Variants in THSD7B observed in about 807,000 individuals in gnomAD.
The protein encoded by THSD7B is thrombospondin type-1 domain-containing protein 7B.
In THSD7B, 138 loss-of-function variants were observed where a neutral mutation model predicts 213.6. The ratio of observed to expected loss-of-function variants is 0.65; its 90% CI spans 0.56 to 0.74. The LOEUF is 0.74. Among genes scored for constraint, THSD7B ranks in the 30% least tolerant of loss-of-function variants. The pLI is 0.00. For missense variants in THSD7B, 1,931 were observed against 1,991.5 expected (o/e 0.97, Z 0.58); for synonymous variants, 742 against 687.0 (o/e 1.08, Z -1.25).
Position 137,160,290 on chromosome 2 carries a change from A to G in THSD7B, c.1447A>G (p.Thr483Ala), listed in dbSNP as rs1285937238. ...TCAGCTCTGCAATATCCCTTGCTCT[A>G]CGGACTGCATAGTATCTTCCTGGTC... ...PSQLCNIPCSTDCIVSSWSAW... is the reference protein window; with the variant it reads ...PSQLCNIPCSADCIVSSWSAW... Residue 483 changes from threonine to alanine, a missense_variant, in exon 6 of 28, where the codon ACG becomes GCG. Thr to Ala is a moderately conservative substitution (Grantham distance 58). Coordinates refer to ENST00000409968, the MANE Select transcript of THSD7B (RefSeq NM_001316349.2). 1 of 1,613,734 alleles carries G rather than the reference A, an allele frequency of 6.2e-7. No individual in the cohort carries two copies. Among genetic ancestry groups the G allele is most frequent in the Non-Finnish European group, 8.5e-7 (1 of 1,179,746 alleles).
chr2:137,219,455 A>AT (rs76840628), intron 7 of THSD7B, among the ~76,000 whole-genome samples: 27,566 of 152,134 alleles, frequency 0.18, 3,164 homozygotes, highest in South Asian at 0.4. Flanking sequence ...AATAGCAGGC[A>AT]TATAATTCAG....
intron 2 of THSD7B, among the ~76,000 whole-genome samples, chr2:136,979,076 C>T (rs1685533379): frequency 6.6e-6 from 1 of 152,022 alleles, no homozygotes; most frequent in Non-Finnish European, 1.5e-5. Flanking sequence ...ATATGAAATT[C>T]TGGGTTGGAA....
At chr2:136,816,068 A>T (rs772544410) in intron 1 of THSD7B, among the ~76,000 whole-genome samples, 5 of 152,066 alleles carry the variant, frequency 3.3e-5, no homozygotes, top group African/African-American at 7.2e-5. Flanking sequence ...TATGTTTTGT[A>T]GAGATGAGGT....
At chr2:137,600,610 C>T (rs2375520) in intron 17 of THSD7B, among the ~76,000 whole-genome samples, 61,308 of 151,916 alleles carry the variant, frequency 0.4, 14,382 homozygotes, top group Non-Finnish European at 0.54. Flanking sequence ...TAGTGGCACA[C>T]GCCTGTAGTC....
intron 7 of THSD7B, among the ~76,000 whole-genome samples, chr2:137,171,824 C>T (rs1273479572): frequency 6.6e-6 from 1 of 152,064 alleles, no homozygotes. Flanking sequence ...TCTCTCCCTC[C>T]CTCCCTCTCT....
intron 5 of THSD7B, among the ~76,000 whole-genome samples, chr2:137,128,666 G>T (rs543118733): frequency 6.6e-6 from 1 of 152,176 alleles, no homozygotes. Context: ...CCTAGGGCCC[G>T]TGCCTTAAAC....
intron 12 of THSD7B, among the ~76,000 whole-genome samples, chr2:137,348,562 C>T (rs745540413): frequency 1.3e-5 from 2 of 151,584 alleles, no homozygotes; most frequent in Admixed American, 6.6e-5. Context: ...AGCTTTGTAG[C>T]GGGTTCGTGT....
intron 1 of THSD7B, among the ~76,000 whole-genome samples, chr2:136,810,932 G>A (rs1682365369): frequency 6.6e-6 from 1 of 152,200 alleles, no homozygotes; most frequent in South Asian, 2.1e-4. Flanking sequence ...TGCACTGAAT[G>A]TGGGGTGGTA....
rs895699699 is a variant in THSD7B at position 136,859,327 on chromosome 2, A to G, written c.-35-22817A>G. Among the ~76,000 whole-genome samples the G allele has an allele frequency of 3.3e-5, 5 of 152,174 alleles. No individual in the cohort carries two copies. In the East Asian group the frequency reaches 5.8e-4, roughly 18 times the overall value. ...ATGAGGCCTTTTCATGTCTATGAAT[A>G]TTTTTATAAGGGAGGTAAGTTTTAT... is the stretch of plus-strand genomic sequence containing the variant. On this transcript the variant is annotated intron_variant, in intron 1 of 27. Coordinates refer to ENST00000409968, the MANE Select transcript of THSD7B (RefSeq NM_001316349.2).
At chr2:137,059,177 A>C (rs1300603620) in intron 3 of THSD7B, among the ~76,000 whole-genome samples, 3 of 152,052 alleles carry the variant, frequency 2.0e-5, no homozygotes, top group Non-Finnish European at 4.4e-5. Context: ...GAGAGAGAGA[A>C]AAAAAGAGAG....
chr2:137,053,242 A>G (rs1451508071), intron 2 of THSD7B, among the ~76,000 whole-genome samples: 1 of 152,212 alleles, frequency 6.6e-6, no homozygotes, highest in African/African-American at 2.4e-5. Flanking sequence ...TCCTTTGGAT[A>G]ATTTTTAGAG....
intron 2 of THSD7B, among the ~76,000 whole-genome samples, chr2:136,996,303 G>C (rs12623773): frequency 1.1e-4 from 8 of 73,426 alleles, no homozygotes; most frequent in South Asian, 4.6e-4. Flanking sequence ...CTCTCTCTCT[G>C]TCCCTGTCTC....
At chr2:137,480,543 T>TA (rs764224129) in intron 15 of THSD7B, among the ~76,000 whole-genome samples, 26 of 152,230 alleles carry the variant, frequency 1.7e-4, no homozygotes, top group Non-Finnish European at 3.5e-4. Flanking sequence ...TAGATTATTT[T>TA]ATTAAATTTG....
chr2:137,119,752 C>G (rs951376788), intron 5 of THSD7B, among the ~76,000 whole-genome samples: 14 of 152,074 alleles, frequency 9.2e-5, no homozygotes, highest in African/African-American at 3.4e-4. Context: ...CTTCTATTGA[C>G]TGTACTTAAG....
intron 3 of THSD7B, among the ~76,000 whole-genome samples, chr2:137,091,287 A>G (rs1405584458): frequency 4.6e-5 from 7 of 152,176 alleles, no homozygotes; most frequent in Non-Finnish European, 1.0e-4. Flanking sequence ...GGTAAGTGGG[A>G]AGAAAGGAAC....
intron 15 of THSD7B, among the ~76,000 whole-genome samples, chr2:137,506,456 A>G (rs753995638): frequency 6.6e-6 from 1 of 152,212 alleles, no homozygotes; most frequent in Non-Finnish European, 1.5e-5. Flanking sequence ...ATTCTATGCT[A>G]ATGGAAACCA....
Position 137,656,988 on chromosome 2 carries a change from A to T in THSD7B, c.4279+19A>T, listed in dbSNP as rs1683248925. 1 of 1,613,516 alleles carries T rather than the reference A, an allele frequency of 6.2e-7. No homozygotes were observed. Among genetic ancestry groups the T allele is most frequent in the Admixed American group, 1.7e-5 (1 of 59,956 alleles). On this transcript the variant is annotated intron_variant, in intron 23 of 27. Transcript: ENST00000409968. ...TGTACAGGTACCAAGAGCACTTTTC[A>T]GTTCTTTAGCCTTCATTGATCAATG... is the stretch of plus-strand genomic sequence containing the variant.
intron 20 of THSD7B, among the ~76,000 whole-genome samples, chr2:137,630,094 A>G (rs771799401): frequency 7.9e-5 from 12 of 152,030 alleles, no homozygotes; most frequent in Non-Finnish European, 1.8e-4. Flanking sequence ...CCTGGGCTCA[A>G]GCAGTCCTCC....
At chr2:137,520,249 T>A (rs79253368) in intron 15 of THSD7B, among the ~76,000 whole-genome samples, 1 of 152,190 alleles carries the variant, frequency 6.6e-6, no homozygotes, top group African/African-American at 2.4e-5. Context: ...TCATTAATTC[T>A]TTTTAGGTTT....
Sources: allele counts gnomAD v4.1 joint callset (sites outside exome capture counted in the v4.1 genomes callset), GRCh38; gene constraint gnomAD v4.1.1; transcripts MANE v1.5; gene names NCBI Gene and HGNC (gene_info 2026-07-23, HGNC 2026-07-21).